The following ICAM1 variants were observed in gnomAD, a reference collection of about 807,000 sequenced individuals.
ICAM1 encodes ICAM-1.
In ICAM1, 28 loss-of-function variants were observed where a neutral mutation model predicts 42.3. That is an observed-to-expected ratio of 0.66 (90% CI 0.49 to 0.91). The LOEUF (loss-of-function observed/expected upper bound fraction) is 0.91, where lower values mean the gene tolerates loss of function less well. ICAM1 is among the 40% of genes least tolerant of loss of function. The pLI is 0.00. For synonymous variants in ICAM1, 304 were observed against 305.9 expected (o/e 0.99, Z 0.07); for missense variants, 637 against 688.6 (o/e 0.93, Z 0.84).
chr19:10,282,527 G>A (rs772762069), intron 2 of ICAM1, among the ~76,000 whole-genome samples: 17 of 151,918 alleles, frequency 1.1e-4, no homozygotes, highest in Non-Finnish European at 2.4e-4. Context: ...GATTAAAGGC[G>A]TGAGCCACCG....
intron 2 of ICAM1, among the ~76,000 whole-genome samples, chr19:10,279,400 G>A (rs764505124): frequency 1.3e-5 from 2 of 152,020 alleles, no homozygotes; most frequent in Non-Finnish European, 2.9e-5. Flanking sequence ...AAAAAATTAG[G>A]GTACAGTGGC....
At chr19:10,279,821 C>T (rs1353094021) in intron 2 of ICAM1, among the ~76,000 whole-genome samples, 1 of 151,202 alleles carries the variant, frequency 6.6e-6, no homozygotes, top group Admixed American at 6.6e-5. Flanking sequence ...GCTATGATTG[C>T]ACCACTGCAT....
At chr19:10,281,049 A>G (rs559731453) in intron 2 of ICAM1, among the ~76,000 whole-genome samples, 18 of 148,124 alleles carry the variant, frequency 1.2e-4, no homozygotes, top group Non-Finnish European at 1.6e-4. Context: ...AATTTTTTGT[A>G]TTTTTAGTAG....
At chr19:10,271,249 G>A in intron 1 of ICAM1, 23 bp downstream of exon 1, 2 of 1,608,244 alleles carry the variant, frequency 1.2e-6, no homozygotes, top group Non-Finnish European at 1.7e-6. Context: ...GGGGATTGCC[G>A]TCGGGCCAGT....
At chr19:10,275,969 A>G in intron 2 of ICAM1, among the ~76,000 whole-genome samples, 1 of 150,618 alleles carries the variant, frequency 6.6e-6, no homozygotes, top group East Asian at 2.0e-4. Context: ...CGGCCTCCCA[A>G]AGTGCTGGGA....
chr19:10,274,575 A>C (rs1373478449), intron 1 of ICAM1, among the ~76,000 whole-genome samples, 190 bp from the exon 2 acceptor site: 1 of 152,176 alleles, frequency 6.6e-6, no homozygotes, highest in Non-Finnish European at 1.5e-5. Flanking sequence ...TTGGCCTCCC[A>C]AAGTGCTGGG....
intron 2 of ICAM1, among the ~76,000 whole-genome samples, chr19:10,276,893 T>C (rs1459606592): frequency 1.3e-5 from 2 of 149,178 alleles, no homozygotes; most frequent in Admixed American, 6.8e-5. Context: ...GAGAATCTCT[T>C]GAAACTGGGA....
chr19:10,284,451 G>A lies in ICAM1; in HGVS notation c.974G>A (p.Gly325Glu). The A allele has an allele frequency of 6.2e-7, 1 of 1,613,938 alleles. No individual in the cohort carries two copies. Among genetic ancestry groups the A allele is most frequent in the Non-Finnish European group, 8.5e-7 (1 of 1,180,014 alleles). ...CTGACGAAGCCAGAGGTCTCAGAAG[G>A]GACCGAGGTGACAGTGAAGTGTGAG... ...VILTKPEVSE[G>E]TEVTVKCEAH... The change falls in exon 5 of 7, where the codon GGG (glycine) becomes GAG (glutamate). Residue 325 changes from glycine (G) to glutamate (E), a missense_variant. Coordinates refer to ENST00000264832, the MANE Select transcript of ICAM1 (RefSeq NM_000201.3). The surrounding 1 kb of genome is among the most constrained non-coding windows in gnomAD (Gnocchi z 5.4).
At chr19:10,277,953 T>G (rs1162352054) in intron 2 of ICAM1, among the ~76,000 whole-genome samples, 1 of 152,170 alleles carries the variant, frequency 6.6e-6, no homozygotes, top group Non-Finnish European at 1.5e-5. Context: ...ATCCCAGTGA[T>G]TTAGAAGGCC....
chr19:10,271,434 G>A (rs984987631), intron 1 of ICAM1, among the ~76,000 whole-genome samples: 1 of 152,128 alleles, frequency 6.6e-6, no homozygotes, highest in Non-Finnish European at 1.5e-5. Context: ...CTTTAAAAAA[G>A]GGTAGGGGGT....
intron 2 of ICAM1, among the ~76,000 whole-genome samples, chr19:10,281,994 G>C (rs182827747): frequency 5.6e-4 from 85 of 151,858 alleles, no homozygotes; most frequent in African/African-American, 2.0e-3. Context: ...CGCCTGCCTC[G>C]GCCCCCCAAA....
Position 10,284,892 on chromosome 19 carries a change from G to C in ICAM1, c.1290G>C (p.Lys430Asn), listed in dbSNP as rs759927316. Residue 430 changes from lysine to asparagine, a missense_variant, in exon 6 of 7, where the codon AAG (lysine) becomes AAC (asparagine). Physicochemically the swap from Lys to Asn is moderately conservative, Grantham distance 94. Transcript: ENST00000264832. The surrounding 1 kb of genome is among the most constrained non-coding windows in gnomAD (Gnocchi z 5.4). Reference protein sequence around the residue: ...QAWGNPLPELKCLKDGTFPLP... With the variant: ...QAWGNPLPELNCLKDGTFPLP... ...GGGGGAACCCATTGCCCGAGCTCAA[G>C]TGTCTAAAGGATGGCACTTTCCCAC... is the stretch of plus-strand genomic sequence containing the variant. 1 of 1,595,114 alleles carries C rather than the reference G, an allele frequency of 6.3e-7. No individual in the cohort carries two copies. Among genetic ancestry groups the C allele is most frequent in the South Asian group, 1.1e-5 (1 of 88,888 alleles).
chr19:10,283,787 G>A lies in ICAM1; in HGVS notation c.637+1G>A. 1 of 1,598,702 alleles carries A rather than the reference G, an allele frequency of 6.3e-7. No individual in the cohort carries two copies. Among genetic ancestry groups the A allele is most frequent in the Non-Finnish European group, 8.5e-7 (1 of 1,171,990 alleles). On this transcript the variant is annotated splice_donor_variant, in intron 3 of 6. Coordinates refer to ENST00000264832, the MANE Select transcript of ICAM1 (RefSeq NM_000201.3). LOFTEE classifies it high-confidence loss of function. ...GCCCCCTACCAGCTCCAGACCTTTGGTGAGGATTGAAGAAGCCAGCAGGGA... is the reference window on the plus strand; with the variant it reads ...GCCCCCTACCAGCTCCAGACCTTTGATGAGGATTGAAGAAGCCAGCAGGGA...
At chr19:10,271,658 G>C (rs1347539755) in intron 1 of ICAM1, among the ~76,000 whole-genome samples, 3 of 152,130 alleles carry the variant, frequency 2.0e-5, no homozygotes, top group African/African-American at 7.2e-5. Context: ...TTGGCCCAGC[G>C]CAGCACCTGG....
intron 2 of ICAM1, among the ~76,000 whole-genome samples, chr19:10,276,413 C>T (rs1270064511): frequency 6.6e-6 from 1 of 151,554 alleles, no homozygotes; most frequent in South Asian, 2.1e-4. Context: ...GGCATGGTGG[C>T]AGGCGCCTGT....
In ICAM1 at chr19:10,284,464, A is replaced by G. The variant is rs768455781; in HGVS notation, c.987A>G (p.Thr329=). The G allele has an allele frequency of 6.2e-7, 1 of 1,613,978 alleles. No individual in the cohort carries two copies. The highest frequency in any genetic ancestry group is 8.5e-7 in the Non-Finnish European group (1 of 1,180,012). The stretch of plus-strand genomic sequence containing the variant: ...AGGTCTCAGAAGGGACCGAGGTGAC[A>G]GTGAAGTGTGAGGCCCACCCTAGAG... The part of the protein sequence containing the change: ...KPEVSEGTEV[T]VKCEAHPRAK... The change falls in exon 5 of 7, where the codon ACA becomes ACG. Residue 329 remains threonine, a synonymous_variant. Coordinates refer to ENST00000264832, the MANE Select transcript of ICAM1 (RefSeq NM_000201.3). This position sits in a 1 kb window ranked among gnomAD's most constrained non-coding sequence, Gnocchi z 5.4.
rs533223798 is a variant in ICAM1, at chr19:10,272,178, G to A, written c.67+952G>A. Among the ~76,000 whole-genome samples the A allele has an allele frequency of 1.4e-4, 22 of 152,260 alleles. No individual in the cohort carries two copies. The South Asian group carries it at 4.1e-3, about 29-fold the overall frequency. Reference sequence around the variant, plus strand: ...TGGGCGCCTGTGATCCCAGCTGCTCGGGAGGCTGAGGGAGGAAAATCCCTT... The same window carrying A: ...TGGGCGCCTGTGATCCCAGCTGCTCAGGAGGCTGAGGGAGGAAAATCCCTT... On this transcript the variant is annotated intron_variant, in intron 1 of 6. Transcript: ENST00000264832.
At chr19:10,273,939 G>T (rs527789067) in intron 1 of ICAM1, among the ~76,000 whole-genome samples, 1 of 151,960 alleles carries the variant, frequency 6.6e-6, no homozygotes, top group Non-Finnish European at 1.5e-5. Context: ...ACTTGAACCC[G>T]GGAGGCAAAG....
intron 2 of ICAM1, among the ~76,000 whole-genome samples, chr19:10,277,766 G>A (rs1439068510): frequency 6.6e-6 from 1 of 152,198 alleles, no homozygotes; most frequent in African/African-American, 2.4e-5. Flanking sequence ...GATTACAGGC[G>A]TGAGCCACTG....
Sources: gnomAD v4.1 joint callset for allele counts (sites outside exome capture counted in the v4.1 genomes callset) on GRCh38, gnomAD v4.1.1 for gene constraint, Gnocchi (gnomAD v3.1) non-coding constraint, MANE v1.5 for transcripts, NCBI Gene and HGNC (gene_info 2026-07-23, HGNC 2026-07-21) for gene names.